Variants in MAPK8 observed in about 807,000 individuals in gnomAD.
The protein encoded by MAPK8 is mitogen-activated protein kinase 8.
Under a neutral mutation model 52.9 loss-of-function variants are expected in MAPK8, and 13 were observed. That is an observed-to-expected ratio of 0.25 (90% CI 0.16 to 0.39). MAPK8 has a LOEUF of 0.39. MAPK8 is among the 10% of genes least tolerant of loss of function. The pLI is 1.00. For missense variants in MAPK8, 300 were observed against 519.2 expected, an observed-to-expected ratio of 0.58 and a Z score of 4.10; for synonymous variants, 191 against 169.8, an observed-to-expected ratio of 1.12 and a Z score of -0.97.
Position 48,424,276 on chromosome 10 carries a change from G to T in MAPK8, c.688+117G>T, listed in dbSNP as rs1184062441. 4.1e-6 allele frequency: 4 copies of T among 972,120 alleles called. No homozygotes were observed. In the African/African-American group the frequency reaches 4.9e-5, roughly 12 times the overall value. 60.2% of individuals were successfully genotyped at this position (972,120 alleles called of 1,614,324 possible). A position where few individuals can be genotyped will look rare whatever the true frequency, so the allele number is the denominator to read the frequency against. On this transcript the variant is annotated intron_variant, in intron 7 of 11. Coordinates refer to ENST00000374189, the MANE Select transcript of MAPK8 (RefSeq NM_001323329.2). The stretch of plus-strand genomic sequence containing the variant: ...GGGTTTTTAAACAGGCATAAAGTTT[G>T]TGGCTATTATAGTTCAAAAATTGTT...
intron 1 of MAPK8, among the ~76,000 whole-genome samples, chr10:48,380,773 A>C (rs2040954888): frequency 6.6e-6 from 1 of 152,192 alleles, no homozygotes; most frequent in African/African-American, 2.4e-5. Flanking sequence ...ACAGATATCA[A>C]GATAAGAAAG....
Position 48,435,059 on chromosome 10 carries a change from T to TGG in MAPK8, c.*33_*34dup. ...TTGGGCCATCGGGGGGTGGGAGGGA[T>TGG]GGGGAGTCGGTTAGTCATTGATAGA... is the stretch of plus-strand genomic sequence containing the variant. On this transcript the variant is annotated 3_prime_UTR_variant, in exon 12 of 12. Transcript: ENST00000374189. 1.1e-5 allele frequency: 5 copies of TGG among 447,990 alleles called. No individual in the cohort carries two copies. The highest frequency in any genetic ancestry group is 2.2e-5 in the Non-Finnish European group (5 of 230,982). The allele number at this position is 447,990 out of a possible 1,614,324, so 27.8% of individuals were successfully genotyped here.
chr10:48,360,490 G>T (rs999915878), intron 1 of MAPK8, among the ~76,000 whole-genome samples: 2 of 152,112 alleles, frequency 1.3e-5, no homozygotes, highest in Non-Finnish European at 2.9e-5. Context: ...GCAAATGTGT[G>T]GGGGAGGCAT....
intron 1 of MAPK8, among the ~76,000 whole-genome samples, chr10:48,323,899 A>C (rs1843224173): frequency 6.6e-6 from 1 of 152,172 alleles, no homozygotes. Flanking sequence ...ACCTGGTTTA[A>C]GTTCAGTGTG....
At chr10:48,416,857 A>G (rs1296417174) in intron 5 of MAPK8, among the ~76,000 whole-genome samples, 1 of 152,030 alleles carries the variant, frequency 6.6e-6, no homozygotes, top group Admixed American at 6.6e-5. Flanking sequence ...TCTTTTTGCT[A>G]TCCTCATGAA....
At chr10:48,309,983 A>G (rs1841813364) in intron 1 of MAPK8, among the ~76,000 whole-genome samples, 3 of 152,208 alleles carry the variant, frequency 2.0e-5, no homozygotes, top group Non-Finnish European at 4.4e-5. Context: ...TTACCTGAAC[A>G]TTTAGAAGCC....
At chr10:48,420,099 C>T in intron 5 of MAPK8, 56 bp from the exon 6 acceptor site, 1 of 1,315,614 alleles carries the variant, frequency 7.6e-7, no homozygotes, top group Non-Finnish European at 1.1e-6. Context: ...TTATTGTGAA[C>T]TGTAGGATTT....
At chr10:48,385,004 G>A (rs1390310180) in intron 1 of MAPK8, among the ~76,000 whole-genome samples, 2 of 152,192 alleles carry the variant, frequency 1.3e-5, no homozygotes, top group African/African-American at 4.8e-5. Flanking sequence ...GATGAATCAG[G>A]AAAGGGATTG....
intron 1 of MAPK8, among the ~76,000 whole-genome samples, chr10:48,309,998 A>G (rs1841814995): frequency 6.6e-6 from 1 of 152,226 alleles, no homozygotes; most frequent in South Asian, 2.1e-4. Context: ...GAAGCCTTGC[A>G]TTCTTACTCT....
At chr10:48,348,816 A>G (rs1303194647) in intron 1 of MAPK8, among the ~76,000 whole-genome samples, 1 of 152,078 alleles carries the variant, frequency 6.6e-6, no homozygotes, top group East Asian at 1.9e-4. Context: ...GAAGTCAGGT[A>G]GTGTGATGCC....
At chr10:48,383,617 A>C (rs1183441066) in intron 1 of MAPK8, among the ~76,000 whole-genome samples, 13 of 152,238 alleles carry the variant, frequency 8.5e-5, no homozygotes, top group South Asian at 2.1e-4. Flanking sequence ...GATAAGATTT[A>C]TCTCTCCAAG....
chr10:48,413,815 TTATATATATATATATATATATATATATA>T (rs59042608), intron 5 of MAPK8, among the ~76,000 whole-genome samples: 908 of 48,450 alleles, frequency 0.019, 70 homozygotes, highest in African/African-American at 0.057. Flanking sequence ...GCCAGAATTG[TTATATATATATATATATATATATATATA>T]TATATATATA....
intron 5 of MAPK8, among the ~76,000 whole-genome samples, chr10:48,419,805 T>C (rs1292555343): frequency 6.6e-6 from 1 of 152,260 alleles, no homozygotes; most frequent in Non-Finnish European, 1.5e-5. Context: ...TGCAAATGAA[T>C]ATAAATGCTA....
intron 1 of MAPK8, among the ~76,000 whole-genome samples, chr10:48,339,825 AGAAAT>A (rs1845069829): frequency 6.6e-6 from 1 of 152,242 alleles, no homozygotes; most frequent in Admixed American, 6.5e-5. Flanking sequence ...TAATCATCAG[AGAAAT>A]GAAATTGAAA....
intron 1 of MAPK8, among the ~76,000 whole-genome samples, chr10:48,322,485 C>G (rs556057031): frequency 1.4e-4 from 22 of 152,202 alleles, no homozygotes; most frequent in African/African-American, 5.3e-4. Flanking sequence ...CTAGCAATCC[C>G]GAATCATCTT....
chr10:48,340,717 C>G (rs1041742523), intron 1 of MAPK8, among the ~76,000 whole-genome samples: 4 of 152,194 alleles, frequency 2.6e-5, no homozygotes, highest in Non-Finnish European at 5.9e-5. Flanking sequence ...TGCCCTTTGC[C>G]TAAGACTTGT....
At chr10:48,385,808 A>T (rs1462003656) in intron 1 of MAPK8, among the ~76,000 whole-genome samples, 75 of 152,294 alleles carry the variant, frequency 4.9e-4, no homozygotes, top group African/African-American at 1.8e-3. Context: ...TGGAAATAGT[A>T]GTTTTTGCCC....
At chr10:48,365,298 C>A (rs1847928061) in intron 1 of MAPK8, among the ~76,000 whole-genome samples, 2 of 152,102 alleles carry the variant, frequency 1.3e-5, no homozygotes, top group African/African-American at 4.8e-5. Context: ...GCTGTGGTAT[C>A]ATTTTTCTGG....
intron 1 of MAPK8, among the ~76,000 whole-genome samples, chr10:48,333,751 G>A (rs893007731): frequency 6.6e-6 from 1 of 152,282 alleles, no homozygotes; most frequent in Non-Finnish European, 1.5e-5. Flanking sequence ...CTAGGGGCAG[G>A]AAAGGGGAGC....
Sources: allele counts gnomAD v4.1 joint callset (sites outside exome capture counted in the v4.1 genomes callset), GRCh38; gene constraint gnomAD v4.1.1; transcripts MANE v1.5; gene names NCBI Gene and HGNC (gene_info 2026-07-23, HGNC 2026-07-21).